Variants in GPR158 observed in about 807,000 individuals in gnomAD.
The protein encoded by GPR158 is metabotropic glycine receptor.
A neutral mutation model predicts 78.2 loss-of-function variants in GPR158; 30 were observed. That is an observed-to-expected ratio of 0.38 (90% CI 0.29 to 0.52). The LOEUF is 0.52. GPR158 is among the 20% of genes least tolerant of loss of function. GPR158 has a pLI of 0.83. For synonymous variants in GPR158, 581 were observed against 591.1 expected, an observed-to-expected ratio of 0.98 and a Z score of 0.25; for missense variants, 1,463 against 1,523.5, an observed-to-expected ratio of 0.96 and a Z score of 0.66.
intron 5 of GPR158, among the ~76,000 whole-genome samples, chr10:25,471,465 G>T (rs1025028476): frequency 6.6e-6 from 1 of 152,050 alleles, no homozygotes; most frequent in African/African-American, 2.4e-5. Context: ...ATTCCTTTGG[G>T]TATATACCCA....
intron 4 of GPR158, among the ~76,000 whole-genome samples, chr10:25,437,123 G>A (rs1321583574): frequency 6.6e-6 from 1 of 152,190 alleles, no homozygotes; most frequent in African/African-American, 2.4e-5. Context: ...GGGACAAACT[G>A]TTGGTAGCTG....
At chr10:25,368,178 G>A (rs1052112273) in intron 2 of GPR158, among the ~76,000 whole-genome samples, 4 of 151,744 alleles carry the variant, frequency 2.6e-5, no homozygotes, top group African/African-American at 9.7e-5. Flanking sequence ...TTTCCTTTCT[G>A]CCTTACTTCC....
chr10:25,276,065 AAC>A (rs1361697303), intron 2 of GPR158, among the ~76,000 whole-genome samples: 1 of 152,190 alleles, frequency 6.6e-6, no homozygotes, highest in Non-Finnish European at 1.5e-5. Flanking sequence ...ACAGCTGAAA[AAC>A]ACATTTCTTA....
At chr10:25,443,081 C>A (rs1835089764) in intron 4 of GPR158, among the ~76,000 whole-genome samples, 1 of 142,794 alleles carries the variant, frequency 7.0e-6, no homozygotes, top group Non-Finnish European at 1.5e-5. Context: ...CTTCTCTCCC[C>A]ACCCCACTAT....
intron 6 of GPR158, among the ~76,000 whole-genome samples, chr10:25,565,523 A>G (rs936826433): frequency 4.6e-5 from 7 of 152,214 alleles, no homozygotes; most frequent in Admixed American, 1.3e-4. Context: ...TGTGCTTTTA[A>G]AAGATGATAT....
chr10:25,580,248 T>C lies in GPR158; in HGVS notation c.1753+7361T>C, dbSNP rs561309435. Among the ~76,000 whole-genome samples the C allele has an allele frequency of 5.4e-4, 83 of 152,360 alleles. 1 individual carries two copies. The South Asian group carries it at 0.017, about 31-fold the overall frequency. Reference sequence around the variant, plus strand: ...TTGATTACTCCACTGTTCAAAAGTATTAGTTTCCATGGATTTCACATAATA... The same window carrying C: ...TTGATTACTCCACTGTTCAAAAGTACTAGTTTCCATGGATTTCACATAATA... On this transcript the variant is annotated intron_variant, in intron 7 of 10. Transcript: ENST00000376351.
intron 2 of GPR158, among the ~76,000 whole-genome samples, chr10:25,382,349 G>A (rs1229592371): frequency 1.3e-5 from 2 of 152,154 alleles, no homozygotes; most frequent in East Asian, 1.9e-4. Flanking sequence ...ATGCTGTGTT[G>A]CTATCCCTTA....
chr10:25,189,299 A>G (rs934170706), intron 1 of GPR158, among the ~76,000 whole-genome samples: 1 of 152,234 alleles, frequency 6.6e-6, no homozygotes, highest in African/African-American at 2.4e-5. Flanking sequence ...CGCCCAAAGG[A>G]TTATAAATCA....
At chr10:25,470,385 T>C (rs945320336) in intron 5 of GPR158, among the ~76,000 whole-genome samples, 1 of 152,086 alleles carries the variant, frequency 6.6e-6, no homozygotes, top group Admixed American at 6.5e-5. Context: ...TTGGCCCTTT[T>C]TGTTCTTCTC....
At chr10:25,285,101 C>T (rs1285349806) in intron 2 of GPR158, among the ~76,000 whole-genome samples, 2 of 141,868 alleles carry the variant, frequency 1.4e-5, no homozygotes, top group East Asian at 2.2e-4. Flanking sequence ...TATGCATGTG[C>T]ATAAATCTAC....
intron 2 of GPR158, among the ~76,000 whole-genome samples, chr10:25,230,001 C>T (rs535190252): frequency 2.6e-5 from 4 of 152,154 alleles, no homozygotes; most frequent in African/African-American, 4.8e-5. Context: ...AGGTTATGGT[C>T]GTTTGTTATA....
intron 2 of GPR158, among the ~76,000 whole-genome samples, chr10:25,279,203 G>A (rs1431441787): frequency 1.3e-5 from 2 of 152,020 alleles, no homozygotes; most frequent in Non-Finnish European, 2.9e-5. Flanking sequence ...ACTACTACTA[G>A]TTTACATAAA....
intron 5 of GPR158, among the ~76,000 whole-genome samples, chr10:25,522,839 T>G (rs966340673): frequency 6.6e-6 from 1 of 152,176 alleles, no homozygotes; most frequent in African/African-American, 2.4e-5. Flanking sequence ...AAGTTTTCAG[T>G]TTTTTAAAGA....
intron 5 of GPR158, among the ~76,000 whole-genome samples, chr10:25,508,012 C>T (rs934442730): frequency 1.3e-5 from 2 of 152,094 alleles, no homozygotes; most frequent in African/African-American, 4.8e-5. Flanking sequence ...ACAAAAAAGG[C>T]GGGATGATTA....
intron 7 of GPR158, 73 bp from the exon 8 acceptor site, chr10:25,588,934 C>G (rs112178759): frequency 3.9e-6 from 2 of 515,752 alleles, no homozygotes; most frequent in Middle Eastern, 3.4e-4. Flanking sequence ...GAATAATAAA[C>G]AAAATGCATG....
At chr10:25,439,108 AT>A (rs1441314623) in intron 4 of GPR158, among the ~76,000 whole-genome samples, 1 of 152,194 alleles carries the variant, frequency 6.6e-6, no homozygotes, top group African/African-American at 2.4e-5. Flanking sequence ...AAAGTCTTGT[AT>A]TAGTCCATTT....
At chr10:25,323,941 A>G (rs1360263397) in intron 2 of GPR158, among the ~76,000 whole-genome samples, 10 of 152,202 alleles carry the variant, frequency 6.6e-5, no homozygotes, top group Non-Finnish European at 1.2e-4. Flanking sequence ...AACTTCTGCT[A>G]TCCTCCAACT....
Position 25,598,102 on chromosome 10 carries a change from G to A in GPR158, c.2476G>A (p.Asp826Asn). 1 of 1,614,098 alleles carries A rather than the reference G, an allele frequency of 6.2e-7. No homozygotes were observed. The highest frequency in any genetic ancestry group is 8.5e-7 in the Non-Finnish European group (1 of 1,180,022). Residue 826 changes from aspartate (D) to asparagine (N), a missense_variant, in exon 11 of 11, where the codon GAC (aspartate) becomes AAC (asparagine). Transcript: ENST00000376351. ...KSHSTYDHVR[D>N]QTEESSSLPT... ...CCACAGCACTTATGACCACGTGAGA[G>A]ACCAAACGGAAGAGTCCAGTAGCCT...
At chr10:25,572,970 TC>T in intron 7 of GPR158, 83 bp downstream of exon 7, 1 of 843,266 alleles carries the variant, frequency 1.2e-6, no homozygotes, top group Non-Finnish European at 2.0e-6. Context: ...CTTGCCAGAC[TC>T]TTTAGTAAAG....
Sources: gnomAD v4.1 joint callset for allele counts (sites outside exome capture counted in the v4.1 genomes callset) on GRCh38, gnomAD v4.1.1 for gene constraint, MANE v1.5 for transcripts, NCBI Gene and HGNC (gene_info 2026-07-23, HGNC 2026-07-21) for gene names.